The following ATXN7 variants were observed in gnomAD, a reference collection of about 807,000 sequenced individuals.
ATXN7 encodes the protein ataxin-7.
In ATXN7, 12 loss-of-function variants were observed where a neutral mutation model predicts 70.5. The observed-to-expected ratio is 0.17, with a 90% CI of 0.11 to 0.28. The LOEUF is 0.28. Ranked by LOEUF, ATXN7 falls within the 10% of genes least tolerant of loss-of-function variation. The pLI is 1.00. For missense variants in ATXN7, 1,256 were observed against 1,131.7 expected (o/e 1.11, Z -1.58); for synonymous variants, 498 against 448.7 (o/e 1.11, Z -1.39).
chr3:63,943,819 G>C (rs2074811302), intron 4 of ATXN7, among the ~76,000 whole-genome samples: 1 of 152,168 alleles, frequency 6.6e-6, no homozygotes, highest in Non-Finnish European at 1.5e-5. Context: ...GGGTACTCTA[G>C]ACCATGTCTT....
chr3:63,933,922 T>C (rs1441778215), intron 4 of ATXN7, among the ~76,000 whole-genome samples: 4 of 152,048 alleles, frequency 2.6e-5, no homozygotes, highest in Admixed American at 2.6e-4. Flanking sequence ...TCTGTTGTTT[T>C]TTTTTTTCCT....
chr3:63,918,176 A>AAAACAAACAAAC (rs141763850), intron 4 of ATXN7, among the ~76,000 whole-genome samples: 21 of 152,104 alleles, frequency 1.4e-4, no homozygotes, highest in African/African-American at 5.1e-4. Context: ...ACTAGAGTTC[A>AAAACAAACAAAC]AAACAAACAA....
intron 4 of ATXN7, among the ~76,000 whole-genome samples, chr3:63,924,319 G>T (rs1354461221): frequency 1.3e-5 from 2 of 152,310 alleles, no homozygotes; most frequent in African/African-American, 4.8e-5. Context: ...TGCGGCTGTG[G>T]TGTCAGCAGT....
chr3:63,913,847 G>A (rs1559629989), intron 4 of ATXN7, among the ~76,000 whole-genome samples: 1 of 152,084 alleles, frequency 6.6e-6, no homozygotes, highest in African/African-American at 2.4e-5. Flanking sequence ...TAAACTGTTT[G>A]GTAAAAAGAT....
Position 63,979,982 on chromosome 3 carries a change from C to T in ATXN7, c.567C>T (p.Phe189=). ...AVPPTSVFSF[F]PSLSKSKGGS... is the part of the protein sequence containing the mutation. ...CTCCCACTTCAGTATTTTCCTTCTT[C>T]CCTTCTCTGTCCAAAAGCAAAGGAG... Residue 189 remains phenylalanine, a synonymous_variant, in exon 6 of 13, where the codon TTC becomes TTT. Coordinates refer to ENST00000674280, the MANE Select transcript of ATXN7 (RefSeq NM_001377405.1). The T allele has an allele frequency of 6.2e-7, 1 of 1,614,198 alleles. No individual in the cohort carries two copies.
chr3:63,901,540 A>G (rs995968512), intron 2 of ATXN7: 1 of 152,176 alleles, frequency 6.6e-6, no homozygotes, highest in Non-Finnish European at 1.5e-5. Flanking sequence ...TTCACTTAAC[A>G]TAATATCCTC....
At chr3:63,900,452 T>A (rs1179442572) in intron 2 of ATXN7, 1 of 152,252 alleles carries the variant, frequency 6.6e-6, no homozygotes, top group Non-Finnish European at 1.5e-5. Context: ...AAAAACAGCC[T>A]CTTAAAATGT....
At chr3:63,953,091 C>T (rs115161439) in intron 5 of ATXN7, among the ~76,000 whole-genome samples, 2,706 of 152,008 alleles carry the variant, frequency 0.018, 33 homozygotes, top group African/African-American at 0.04. Flanking sequence ...TGATTCTTAC[C>T]GCCACAGAGT....
intron 8 of ATXN7, among the ~76,000 whole-genome samples, chr3:63,983,795 C>T (rs2075527949): frequency 6.6e-6 from 1 of 151,992 alleles, no homozygotes; most frequent in African/African-American, 2.4e-5. Flanking sequence ...CAGTGAACAC[C>T]TCTACATAAA....
At position 63,988,310 on chromosome 3, in the gene ATXN7, C is replaced by G. The variant is rs1323085488; in HGVS notation, c.1347C>G (p.Thr449=). Residue 449 remains threonine (T), a synonymous_variant, in exon 9 of 13, where the codon ACC becomes ACG. Transcript: ENST00000674280. Reference sequence around the variant, plus strand: ...TAGCTAGTAAACCTAAACCTCACACCCCCAGTCTTCCAAGGTAAGCCAGGC... The same window carrying G: ...TAGCTAGTAAACCTAAACCTCACACGCCCAGTCTTCCAAGGTAAGCCAGGC... ...PFVASKPKPH[T]PSLPRPPGCP... 6.2e-7 allele frequency: 1 copy of G among 1,613,934 alleles called. No individual in the cohort carries two copies. Among genetic ancestry groups the G allele is most frequent in the Non-Finnish European group, 8.5e-7 (1 of 1,180,020 alleles).
chr3:63,872,083 GT>G (rs1329116177), intron 1 of ATXN7, among the ~76,000 whole-genome samples: 1 of 152,044 alleles, frequency 6.6e-6, no homozygotes, highest in Non-Finnish European at 1.5e-5. Context: ...ACAGTTCATT[GT>G]TTATATGAAA....
intron 1 of ATXN7, among the ~76,000 whole-genome samples, chr3:63,884,223 AC>A (rs1441447020): frequency 6.8e-6 from 1 of 147,662 alleles, no homozygotes; most frequent in East Asian, 2.0e-4. Context: ...ACACACACAC[AC>A]ACACACACAC....
intron 1 of ATXN7, among the ~76,000 whole-genome samples, chr3:63,868,891 T>C (rs150201890): frequency 3.9e-5 from 6 of 152,334 alleles, no homozygotes; most frequent in Admixed American, 3.3e-4. Flanking sequence ...CTTATAACTT[T>C]AGTTGTCTAA....
In ATXN7 at chr3:63,918,176, A is replaced by AAAAC. The variant is rs141763850; in HGVS notation, c.394+4975_394+4978dup. Among the ~76,000 whole-genome samples, 1,262 of 152,094 alleles carry AAAAC rather than the reference A, an allele frequency of 8.3e-3. 15 individuals carry two copies. Among genetic ancestry groups the AAAAC allele is most frequent in the African/African-American group, 0.019 (769 of 41,504 alleles). On this transcript the variant is annotated intron_variant, in intron 4 of 12. Transcript: ENST00000674280. Reference sequence around the variant, plus strand: ...TAGCACCTGTAGGCAACTAGAGTTCAAAACAAACAAACAAACAAACAAACA... The same window carrying AAAAC: ...TAGCACCTGTAGGCAACTAGAGTTCAAAACAAACAAACAAACAAACAAACAAACA...
chr3:63,954,777 C>T (rs762631259), intron 5 of ATXN7, among the ~76,000 whole-genome samples: 2 of 146,818 alleles, frequency 1.4e-5, no homozygotes, highest in African/African-American at 5.1e-5. Context: ...GGCGCCATCT[C>T]GGCTCACTGC....
At chr3:63,931,115 G>A (rs1704937356) in intron 4 of ATXN7, among the ~76,000 whole-genome samples, 1 of 151,926 alleles carries the variant, frequency 6.6e-6, no homozygotes, top group Admixed American at 6.6e-5. Flanking sequence ...TTGTTTGTTT[G>A]TTTGTTTGAG....
chr3:63,877,760 A>G (rs1203746264), intron 1 of ATXN7, among the ~76,000 whole-genome samples: 1 of 152,244 alleles, frequency 6.6e-6, no homozygotes, highest in East Asian at 1.9e-4. Context: ...ATGCCCGAAT[A>G]TTCACAAATA....
Position 63,995,976 on chromosome 3 carries a change from C to CTCCTCCTCT in ATXN7, c.2163_2171dup (p.Ser726_Ser728dup). 6.2e-7 allele frequency: 1 copy of CTCCTCCTCT among 1,613,570 alleles called. No individual in the cohort carries two copies. The highest frequency in any genetic ancestry group is 8.5e-7 in the Non-Finnish European group (1 of 1,179,646). On this transcript the variant is annotated inframe_insertion, in exon 12 of 13. Coordinates refer to ENST00000674280, the MANE Select transcript of ATXN7 (RefSeq NM_001377405.1). ...GTTCCCCACTGTTGGTTCACTCTTC[C>CTCCTCCTCT]TCCTCCTCTTCCTCCTCCTCCTCTT... is the stretch of plus-strand genomic sequence containing the variant.
chr3:63,982,620 A>ATGTG (rs1421540709), intron 7 of ATXN7, among the ~76,000 whole-genome samples, 175 bp downstream of exon 7: 1 of 81,166 alleles, frequency 1.2e-5, no homozygotes, highest in Non-Finnish European at 2.4e-5. Flanking sequence ...TTTAAAGAGC[A>ATGTG]TGAGTGTGTG....
Sources: gnomAD v4.1 joint callset for allele counts (sites outside exome capture counted in the v4.1 genomes callset) on GRCh38, gnomAD v4.1.1 for gene constraint, MANE v1.5 for transcripts, NCBI Gene and HGNC (gene_info 2026-07-23, HGNC 2026-07-21) for gene names.